The following BANP variants were observed in gnomAD, a reference collection of about 807,000 sequenced individuals.
BANP encodes the protein protein BANP.
BANP carries 11 observed loss-of-function variants against 68.1 expected under a neutral mutation model. That is an observed-to-expected ratio of 0.16 (90% CI 0.10 to 0.27). The LOEUF is 0.27. BANP is among the 10% of genes least tolerant of loss of function. BANP has a pLI of 1.00. For missense variants in BANP, 504 were observed against 722.7 expected (o/e 0.70, Z 3.47); for synonymous variants, 329 against 303.2 (o/e 1.09, Z -0.88).
At chr16:87,967,324 C>A (rs1425446168) in intron 1 of BANP, among the ~76,000 whole-genome samples, 1 of 146,428 alleles carries the variant, frequency 6.8e-6, no homozygotes. Flanking sequence ...AGCCAGGCCG[C>A]TCTCCAACTC....
At chr16:88,059,189 G>A (rs566485418) in intron 11 of BANP, among the ~76,000 whole-genome samples, 1 of 139,616 alleles carries the variant, frequency 7.2e-6, no homozygotes, top group African/African-American at 2.6e-5. Flanking sequence ...TGGTGGCGGG[G>A]CATGACCTTG....
chr16:88,044,906 C>T (rs1400015089), intron 11 of BANP, among the ~76,000 whole-genome samples: 1 of 152,086 alleles, frequency 6.6e-6, no homozygotes, highest in East Asian at 1.9e-4. Context: ...GGCTTGAACC[C>T]TGGAGGCGGA....
At chr16:88,015,267 ATGCCCTCTGCCTGTACCTCCCTGCCTG>A (rs1430862746) in intron 6 of BANP, among the ~76,000 whole-genome samples, 1 of 118,756 alleles carries the variant, frequency 8.4e-6, no homozygotes, top group East Asian at 2.5e-4. Flanking sequence ...CCCTCTGTCC[ATGCCCTCTGCCTGTACCTCCCTGCCTG>A]TGCCCTCTGC....
chr16:88,020,590 T>C (rs1222491069), intron 7 of BANP, among the ~76,000 whole-genome samples: 2 of 152,106 alleles, frequency 1.3e-5, no homozygotes, highest in East Asian at 3.9e-4. Flanking sequence ...GGGCTACAGG[T>C]TGGAGGCGCA....
At chr16:88,007,413 C>T (rs543452840) in intron 6 of BANP, among the ~76,000 whole-genome samples, 1 of 152,142 alleles carries the variant, frequency 6.6e-6, no homozygotes, top group Non-Finnish European at 1.5e-5. Flanking sequence ...GGGCCTCTCT[C>T]CTGCAGGGCT....
intron 11 of BANP, among the ~76,000 whole-genome samples, chr16:88,039,204 C>A (rs1299472162): frequency 6.6e-6 from 1 of 152,030 alleles, no homozygotes; most frequent in Admixed American, 6.6e-5. Flanking sequence ...CTCAGGTAGT[C>A]CTGCAGCATC....
At chr16:87,993,663 C>T (rs7194586) in intron 4 of BANP, among the ~76,000 whole-genome samples, 11,227 of 151,206 alleles carry the variant, frequency 0.074, 558 homozygotes, top group East Asian at 0.16. Flanking sequence ...TGCAGTGGGG[C>T]GATCTCTTAC....
chr16:87,979,546 G>A (rs981128195), intron 2 of BANP, among the ~76,000 whole-genome samples: 7 of 152,136 alleles, frequency 4.6e-5, no homozygotes, highest in African/African-American at 1.7e-4. Flanking sequence ...TATGGGAAGG[G>A]CTGGGGCACA....
chr16:87,960,287 G>A lies in BANP; in HGVS notation c.-69+8772G>A, dbSNP rs192837810. Reference sequence around the variant, plus strand: ...TCTGACACCTGGGAGATGAATTTCAGTCTGATGGTGGATCTGGACCCAGAT... The same window carrying A: ...TCTGACACCTGGGAGATGAATTTCAATCTGATGGTGGATCTGGACCCAGAT... On this transcript the variant is annotated intron_variant, in intron 1 of 13. Transcript: ENST00000682872. Among the ~76,000 whole-genome samples the A allele has an allele frequency of 9.8e-5, 15 of 152,298 alleles. No homozygotes were observed. The East Asian group carries it at 2.9e-3, about 29-fold the overall frequency.
At chr16:87,967,203 T>C (rs2060180955) in intron 1 of BANP, among the ~76,000 whole-genome samples, 1 of 150,614 alleles carries the variant, frequency 6.6e-6, no homozygotes, top group Non-Finnish European at 1.5e-5. Flanking sequence ...TAGGGGAGCC[T>C]CAGAAACTTT....
intron 1 of BANP, among the ~76,000 whole-genome samples, chr16:87,960,645 A>T (rs1164594336): frequency 1.3e-5 from 2 of 152,208 alleles, no homozygotes; most frequent in Non-Finnish European, 2.9e-5. Context: ...AACTCAGCAG[A>T]TGAGCTGTTT....
Position 87,957,574 on chromosome 16 carries a change from C to T in BANP, c.-69+6059C>T, listed in dbSNP as rs1597707946. Among the ~76,000 whole-genome samples the T allele has an allele frequency of 6.6e-6, 1 of 152,258 alleles. No homozygotes were observed. ...CCTTTCGCTAGTGACCAGTTACCTT[C>T]TGTGTCTGAGAGAAGGCCGTTGTGG... On this transcript the variant is annotated intron_variant, in intron 1 of 13. Coordinates refer to ENST00000682872, the MANE Select transcript of BANP (RefSeq NM_001386991.1). This position sits in a 1 kb window ranked among gnomAD's most constrained non-coding sequence, Gnocchi z 4.3.
At chr16:87,988,626 A>G (rs902785588) in intron 4 of BANP, among the ~76,000 whole-genome samples, 2 of 152,168 alleles carry the variant, frequency 1.3e-5, no homozygotes, top group African/African-American at 4.8e-5. Flanking sequence ...ATTACCTCCA[A>G]ATCATATGCT....
At chr16:87,951,576 G>C (rs1298470060) in intron 1 of BANP, 61 bp downstream of exon 1, 1 of 151,966 alleles carries the variant, frequency 6.6e-6, no homozygotes, top group African/African-American at 2.4e-5. Flanking sequence ...GGGCGAGAGC[G>C]AGAGCGAGAT....
chr16:87,993,712 C>A (rs2066469304), intron 4 of BANP, among the ~76,000 whole-genome samples: 1 of 152,078 alleles, frequency 6.6e-6, no homozygotes, highest in Admixed American at 6.5e-5. Flanking sequence ...ATTCTTCTAC[C>A]TCAACCTCCC....
At chr16:87,952,764 T>C (rs1226456601) in intron 1 of BANP, 12 of 152,200 alleles carry the variant, frequency 7.9e-5, no homozygotes, top group Admixed American at 7.9e-4. Flanking sequence ...GATTCTGTCA[T>C]CATTGGCGTT....
intron 4 of BANP, among the ~76,000 whole-genome samples, chr16:87,993,652 G>C (rs557249484): frequency 6.6e-6 from 1 of 151,678 alleles, no homozygotes; most frequent in Non-Finnish European, 1.5e-5. Context: ...CCAGGCTGGA[G>C]TGCAGTGGGG....
At chr16:87,973,152 G>C (rs896515454) in intron 1 of BANP, among the ~76,000 whole-genome samples, 2 of 152,032 alleles carry the variant, frequency 1.3e-5, no homozygotes, top group African/African-American at 4.8e-5. Flanking sequence ...GATTTAGGGA[G>C]ATTAAACATC....
intron 7 of BANP, among the ~76,000 whole-genome samples, chr16:88,019,712 G>T (rs896247785): frequency 2.1e-5 from 3 of 140,580 alleles, no homozygotes; most frequent in African/African-American, 7.9e-5. Context: ...CGTGCGGGGG[G>T]CGGGGCGTGC....
Sources: gnomAD v4.1 joint callset for allele counts (sites outside exome capture counted in the v4.1 genomes callset) on GRCh38, gnomAD v4.1.1 for gene constraint, Gnocchi (gnomAD v3.1) non-coding constraint, MANE v1.5 for transcripts, NCBI Gene and HGNC (gene_info 2026-07-23, HGNC 2026-07-21) for gene names.